The following HHLA2 variants were observed in gnomAD, a reference collection of about 807,000 sequenced individuals.
HHLA2 encodes HERV-H LTR-associating protein 2.
Under a neutral mutation model 45.9 loss-of-function variants are expected in HHLA2, and 48 were observed. The ratio of observed to expected loss-of-function variants is 1.05; its 90% CI spans 0.83 to 1.33. The LOEUF is 1.33. HHLA2 is among the 40% of genes most tolerant of loss of function. The probability of loss-of-function intolerance (pLI) is 0.00; values close to 1 mark genes in which losing one functional copy is unlikely to be tolerated. For missense variants in HHLA2, 462 were observed against 494.3 expected (o/e 0.93, Z 0.62); for synonymous variants, 161 against 173.9 (o/e 0.93, Z 0.59).
chr3:108,322,050 C>T (rs2081212211), intron 2 of HHLA2, among the ~76,000 whole-genome samples: 1 of 152,088 alleles, frequency 6.6e-6, no homozygotes, highest in Admixed American at 6.6e-5. Flanking sequence ...TTTTTATTTA[C>T]TCCAGGATGT....
intron 8 of HHLA2, among the ~76,000 whole-genome samples, chr3:108,364,457 T>A (rs1416917083): frequency 6.6e-6 from 1 of 152,224 alleles, no homozygotes; most frequent in Non-Finnish European, 1.5e-5. Context: ...TAAACATACA[T>A]GTGCATGTGT....
At chr3:108,311,314 A>T (rs1439529746) in intron 2 of HHLA2, among the ~76,000 whole-genome samples, 11 of 152,204 alleles carry the variant, frequency 7.2e-5, no homozygotes, top group Admixed American at 7.2e-4. Flanking sequence ...TGCCAACTAA[A>T]TTTGGACCTA....
At chr3:108,339,688 G>A (rs1331995333) in intron 3 of HHLA2, among the ~76,000 whole-genome samples, 3 of 152,098 alleles carry the variant, frequency 2.0e-5, no homozygotes, top group Non-Finnish European at 4.4e-5. Context: ...TCTTTTAGCA[G>A]GTAAAATCTC....
chr3:108,340,566 T>C (rs2081547461), intron 3 of HHLA2, among the ~76,000 whole-genome samples: 1 of 152,178 alleles, frequency 6.6e-6, no homozygotes. Context: ...CAGACCAACA[T>C]ACCCATCTGT....
rs141236992 is a variant in HHLA2, at chr3:108,363,935, C to T, written c.1108+1489C>T. Among the ~76,000 whole-genome samples, 415 of 151,880 alleles carry T rather than the reference C, an allele frequency of 2.7e-3. 3 individuals carry two copies. The highest frequency in any genetic ancestry group is 9.6e-3 in the African/African-American group (398 of 41,396). ...TTCCCAAAACTTGGAAGGAGAGAGTCACGTAAGATTAGTTGCCTTGTAAGG... is the reference window on the plus strand; with the variant it reads ...TTCCCAAAACTTGGAAGGAGAGAGTTACGTAAGATTAGTTGCCTTGTAAGG... On this transcript the variant is annotated intron_variant, in intron 8 of 10. Transcript: ENST00000619531.
intron 3 of HHLA2, among the ~76,000 whole-genome samples, chr3:108,331,942 T>G (rs2081393408): frequency 1.3e-5 from 2 of 152,114 alleles, no homozygotes; most frequent in Non-Finnish European, 2.9e-5. Context: ...GTATAAGTGC[T>G]TAATGACTGG....
At chr3:108,377,105 A>G (rs1000109916) in intron 10 of HHLA2, 153 bp from the exon 10 acceptor site, 2 of 605,234 alleles carry the variant, frequency 3.3e-6, no homozygotes, top group South Asian at 2.2e-5. Context: ...TTATTTTATA[A>G]TGGTCTCATG....
intron 2 of HHLA2, among the ~76,000 whole-genome samples, chr3:108,313,321 G>A (rs1161474899): frequency 6.6e-6 from 1 of 152,176 alleles, no homozygotes; most frequent in East Asian, 1.9e-4. Context: ...AGCAGTGAGG[G>A]AAGGTCAACA....
intron 3 of HHLA2, among the ~76,000 whole-genome samples, chr3:108,340,352 AT>A (rs2081542613): frequency 6.6e-6 from 1 of 152,222 alleles, no homozygotes; most frequent in Admixed American, 6.5e-5. Context: ...AGATGGGGGC[AT>A]GGGTAAAGAT....
chr3:108,337,753 T>C (rs1218750856), intron 3 of HHLA2, among the ~76,000 whole-genome samples: 1 of 152,012 alleles, frequency 6.6e-6, no homozygotes, highest in Non-Finnish European at 1.5e-5. Flanking sequence ...GTGTCCAGGG[T>C]TCCTGTGTTG....
intron 1 of HHLA2, among the ~76,000 whole-genome samples, chr3:108,309,916 G>A (rs1208996418): frequency 6.6e-6 from 1 of 151,742 alleles, no homozygotes; most frequent in African/African-American, 2.4e-5. Flanking sequence ...AAATTATTTG[G>A]TATGGAAAAA....
At chr3:108,371,949 T>C (rs1576185657) in intron 8 of HHLA2, among the ~76,000 whole-genome samples, 1 of 152,308 alleles carries the variant, frequency 6.6e-6, no homozygotes, top group East Asian at 1.9e-4. Flanking sequence ...TATCCAGGAA[T>C]TGAACTCAGC....
chr3:108,370,757 C>T (rs910015582), intron 8 of HHLA2, among the ~76,000 whole-genome samples: 10 of 152,040 alleles, frequency 6.6e-5, no homozygotes, highest in East Asian at 1.9e-4. Flanking sequence ...TGAAACGAAG[C>T]GAGAAGAGAA....
At chr3:108,297,049 A>T (rs2080772434) in intron 1 of HHLA2, among the ~76,000 whole-genome samples, 1 of 152,250 alleles carries the variant, frequency 6.6e-6, no homozygotes, top group Admixed American at 6.5e-5. Context: ...AGTAGTGGTT[A>T]TCTAGCAGAA....
At chr3:108,357,668 G>A (rs1208322785) in intron 6 of HHLA2, among the ~76,000 whole-genome samples, 176 bp from the exon 6 acceptor site, 1 of 152,178 alleles carries the variant, frequency 6.6e-6, no homozygotes, top group African/African-American at 2.4e-5. Context: ...CTTTAAAATA[G>A]TGGTAGTAAA....
intron 3 of HHLA2, among the ~76,000 whole-genome samples, chr3:108,332,688 A>T (rs1265906353): frequency 1.3e-5 from 2 of 152,152 alleles, no homozygotes; most frequent in Non-Finnish European, 2.9e-5. Flanking sequence ...ATCTAGATTC[A>T]AGTTGGGTGA....
rs1471557833 is a variant in HHLA2 at position 108,357,821 on chromosome 3, TTTC to T, written c.686-20_686-18del. ...TTGAAATGTTTATCTTCATTGATGTTTTCTTTTCTATTGTGTTGTTAGATGGCC... is the reference window on the plus strand; with the variant it reads ...TTGAAATGTTTATCTTCATTGATGTTTTTTCTATTGTGTTGTTAGATGGCC... On this transcript the variant is annotated intron_variant, in intron 6 of 10. Transcript: ENST00000619531. 1 of 1,556,254 alleles carries T rather than the reference TTTC, an allele frequency of 6.4e-7. No homozygotes were observed. The highest frequency in any genetic ancestry group is 1.2e-5 in the South Asian group (1 of 83,282).
chr3:108,369,761 G>C (rs976823216), intron 8 of HHLA2, among the ~76,000 whole-genome samples: 1 of 152,204 alleles, frequency 6.6e-6, no homozygotes, highest in African/African-American at 2.4e-5. Flanking sequence ...AGCGAGCCTG[G>C]GGGAGGGGCA....
chr3:108,303,989 C>T (rs977897569), intron 1 of HHLA2, among the ~76,000 whole-genome samples: 1 of 152,102 alleles, frequency 6.6e-6, no homozygotes, highest in Non-Finnish European at 1.5e-5. Context: ...TGAACTGACT[C>T]TCATTTTTGG....
Sources: gnomAD v4.1 joint callset for allele counts (sites outside exome capture counted in the v4.1 genomes callset) on GRCh38, gnomAD v4.1.1 for gene constraint, MANE v1.5 for transcripts, NCBI Gene and HGNC (gene_info 2026-07-23, HGNC 2026-07-21) for gene names.